The following ATXN7L1 variants were observed in gnomAD, a reference collection of about 807,000 sequenced individuals.
ATXN7L1 encodes the protein ataxin-7-like protein 1.
ATXN7L1 carries 15 observed loss-of-function variants against 70.8 expected under a neutral mutation model. That is an observed-to-expected ratio of 0.21 (90% CI 0.14 to 0.33). ATXN7L1 has a LOEUF of 0.33. ATXN7L1 is among the 10% of genes least tolerant of loss of function. The probability of loss-of-function intolerance (pLI) is 1.00; values close to 1 mark genes in which losing one functional copy is unlikely to be tolerated. For synonymous variants in ATXN7L1, 440 were observed against 445.1 expected (o/e 0.99, Z 0.14); for missense variants, 975 against 1,097.1 (o/e 0.89, Z 1.57).
chr7:105,678,999 C>T lies in ATXN7L1; in HGVS notation c.356-13711G>A, dbSNP rs147457549. ...GCCAGGATCTCTGTTCCGTGACCTG[C>T]GCCCAGCCCCACGCCGTCCTGTGTG... On this transcript the variant is annotated intron_variant, in intron 3 of 11. Coordinates refer to ENST00000419735, the MANE Select transcript of ATXN7L1 (RefSeq NM_020725.2). 641 of 891,374 alleles carry T rather than the reference C, an allele frequency of 7.2e-4. 21 individuals carry two copies. In the Admixed American group the frequency reaches 0.033, roughly 46 times the overall value. 55.2% of individuals were successfully genotyped at this position (891,374 alleles called of 1,614,324 possible). A position where few individuals can be genotyped will look rare whatever the true frequency, so the allele number is the denominator to read the frequency against.
intron 3 of ATXN7L1, among the ~76,000 whole-genome samples, chr7:105,709,674 G>A (rs1346555440): frequency 6.6e-6 from 1 of 152,010 alleles, no homozygotes; most frequent in Admixed American, 6.6e-5. Flanking sequence ...AATTCTTTCT[G>A]GTGGAAATCA....
At chr7:105,731,680 C>T (rs1339791397) in intron 3 of ATXN7L1, among the ~76,000 whole-genome samples, 2 of 149,754 alleles carry the variant, frequency 1.3e-5, no homozygotes, top group African/African-American at 4.9e-5. Flanking sequence ...GGTGATCTGC[C>T]CGCCTCCACC....
chr7:105,830,214 G>A (rs1314442832), intron 2 of ATXN7L1, among the ~76,000 whole-genome samples: 1 of 152,270 alleles, frequency 6.6e-6, no homozygotes, highest in African/African-American at 2.4e-5. Context: ...AGCTGGAAGA[G>A]GGGCTGGAGT....
chr7:105,674,290 G>A (rs76148892), intron 3 of ATXN7L1, among the ~76,000 whole-genome samples: 16,288 of 152,132 alleles, frequency 0.11, 1,139 homozygotes, highest in Middle Eastern at 0.2. Flanking sequence ...TGGTTTCTTC[G>A]TCATCTGGTC....
intron 3 of ATXN7L1, among the ~76,000 whole-genome samples, chr7:105,715,441 T>C (rs967572014): frequency 6.6e-6 from 1 of 152,264 alleles, no homozygotes; most frequent in African/African-American, 2.4e-5. Flanking sequence ...CTAAAATTCA[T>C]GTCCTTTCCT....
chr7:105,701,919 G>A (rs550673367), intron 3 of ATXN7L1, among the ~76,000 whole-genome samples: 8 of 152,254 alleles, frequency 5.3e-5, no homozygotes, highest in South Asian at 2.1e-4. Context: ...TACTTTTAAC[G>A]TCATGTTCTC....
At position 105,607,765 on chromosome 7, in the gene ATXN7L1, C is replaced by A. The variant is rs1792821507; in HGVS notation, c.*87G>T. ...CACAGAAAACAGACTCTCCCCCCAGCCCACTCCCCTCCCTCCTCCTCCCCA... is the reference window on the plus strand; with the variant it reads ...CACAGAAAACAGACTCTCCCCCCAGACCACTCCCCTCCCTCCTCCTCCCCA... On this transcript the variant is annotated 3_prime_UTR_variant, in exon 12 of 12. Coordinates refer to ENST00000419735, the MANE Select transcript of ATXN7L1 (RefSeq NM_020725.2). 1 of 1,248,354 alleles carries A rather than the reference C, an allele frequency of 8.0e-7. No homozygotes were observed. The highest frequency in any genetic ancestry group is 1.1e-6 in the Non-Finnish European group (1 of 872,290). 77.3% of individuals were successfully genotyped at this position (1,248,354 alleles called of 1,614,324 possible). A position where few individuals can be genotyped will look rare whatever the true frequency, so the allele number is the denominator to read the frequency against.
chr7:105,740,924 C>T (rs1472044001), intron 3 of ATXN7L1, among the ~76,000 whole-genome samples: 4 of 152,096 alleles, frequency 2.6e-5, no homozygotes, highest in African/African-American at 9.7e-5. Flanking sequence ...GCCACCACGC[C>T]TGGCTAATTT....
intron 3 of ATXN7L1, among the ~76,000 whole-genome samples, chr7:105,787,525 T>C (rs1358643607): frequency 2.0e-5 from 3 of 152,194 alleles, no homozygotes; most frequent in Non-Finnish European, 4.4e-5. Flanking sequence ...GTATATATCA[T>C]ATACATACAT....
At chr7:105,699,661 C>A (rs1328784895) in intron 3 of ATXN7L1, among the ~76,000 whole-genome samples, 1 of 152,138 alleles carries the variant, frequency 6.6e-6, no homozygotes, top group Non-Finnish European at 1.5e-5. Flanking sequence ...AAAGATAATA[C>A]TTATCTTCAC....
chr7:105,630,409 T>A (rs1259474336), intron 7 of ATXN7L1, among the ~76,000 whole-genome samples: 1 of 152,238 alleles, frequency 6.6e-6, no homozygotes, highest in Non-Finnish European at 1.5e-5. Context: ...AATAGGAATC[T>A]CTCATTTTGC....
chr7:105,618,646 C>G (rs1794283260), intron 9 of ATXN7L1, among the ~76,000 whole-genome samples: 2 of 152,074 alleles, frequency 1.3e-5, no homozygotes, highest in Non-Finnish European at 2.9e-5. Flanking sequence ...CCTTCCTTGC[C>G]TCTACTGGAC....
chr7:105,793,720 C>T (rs1286647862), intron 2 of ATXN7L1, among the ~76,000 whole-genome samples: 1 of 152,192 alleles, frequency 6.6e-6, no homozygotes, highest in Non-Finnish European at 1.5e-5. Flanking sequence ...CTGCTTTGCC[C>T]TGTTTTGTCA....
At chr7:105,834,109 C>T (rs1812027817) in intron 2 of ATXN7L1, among the ~76,000 whole-genome samples, 1 of 152,176 alleles carries the variant, frequency 6.6e-6, no homozygotes, top group Non-Finnish European at 1.5e-5. Context: ...GTGGTATGAT[C>T]TCAGCTCACC....
chr7:105,649,636 C>G (rs1799568725), intron 4 of ATXN7L1: 1 of 924,722 alleles, frequency 1.1e-6, no homozygotes, highest in African/African-American at 1.8e-5. Context: ...GCCAGCTGCC[C>G]ACCTGCCAGC....
At chr7:105,833,695 A>G (rs1205099269) in intron 2 of ATXN7L1, among the ~76,000 whole-genome samples, 1 of 152,238 alleles carries the variant, frequency 6.6e-6, no homozygotes, top group Non-Finnish European at 1.5e-5. Flanking sequence ...AAAACAAAAA[A>G]CCAAATAGTT....
chr7:105,716,665 GCACACACACACACACACACACACA>G lies in ATXN7L1; in HGVS notation c.356-51401_356-51378del, dbSNP rs58217531. ...GGCAACATGGCGAAAACCTATCTCT[GCACACACACACACACACACACACA>G]CACACACACACACACACACACACAC... On this transcript the variant is annotated intron_variant, in intron 3 of 11. Coordinates refer to ENST00000419735, the MANE Select transcript of ATXN7L1 (RefSeq NM_020725.2). Among the ~76,000 whole-genome samples the G allele has an allele frequency of 2.4e-3, 305 of 125,608 alleles. 4 individuals carry two copies. The highest frequency in any genetic ancestry group is 7.9e-3 in the African/African-American group (284 of 36,136). 82.4% of individuals were successfully genotyped at this position (125,608 alleles called of 152,430 possible).
At chr7:105,745,473 A>G (rs1205435760) in intron 3 of ATXN7L1, among the ~76,000 whole-genome samples, 1 of 152,214 alleles carries the variant, frequency 6.6e-6, no homozygotes, top group African/African-American at 2.4e-5. Flanking sequence ...TTACAGGCAA[A>G]TAACATTACA....
At chr7:105,695,526 C>T in intron 3 of ATXN7L1, among the ~76,000 whole-genome samples, 1 of 152,162 alleles carries the variant, frequency 6.6e-6, no homozygotes, top group Non-Finnish European at 1.5e-5. Flanking sequence ...CACCTAAATG[C>T]CAACCCCTGG....
Sources: allele counts gnomAD v4.1 joint callset (sites outside exome capture counted in the v4.1 genomes callset), GRCh38; gene constraint gnomAD v4.1.1; transcripts MANE v1.5; gene names NCBI Gene and HGNC (gene_info 2026-07-23, HGNC 2026-07-21).